The following TOX variants were observed in gnomAD, a reference collection of about 807,000 sequenced individuals.
TOX encodes thymocyte selection-associated high mobility group box protein TOX.
Under a neutral mutation model 53.7 loss-of-function variants are expected in TOX, and 11 were observed. The observed-to-expected ratio is 0.20, with a 90% CI of 0.13 to 0.34. The LOEUF (loss-of-function observed/expected upper bound fraction) is 0.34. TOX is among the 10% of genes least tolerant of loss of function. TOX has a pLI of 1.00. For synonymous variants in TOX, 225 were observed against 245.3 expected (o/e 0.92, Z 0.77); for missense variants, 570 against 664.6 (o/e 0.86, Z 1.56).
At chr8:59,064,358 T>TA (rs895106384) in intron 1 of TOX, among the ~76,000 whole-genome samples, 4 of 152,194 alleles carry the variant, frequency 2.6e-5, no homozygotes, top group African/African-American at 9.7e-5. Flanking sequence ...AGCATATTTT[T>TA]AAAAAATCAC....
intron 1 of TOX, among the ~76,000 whole-genome samples, chr8:59,060,182 G>A (rs1260396830): frequency 3.3e-5 from 5 of 152,138 alleles, no homozygotes; most frequent in Non-Finnish European, 7.4e-5. Flanking sequence ...ATAACAGAGT[G>A]TTTAATTCCA....
chr8:58,862,819 C>T (rs1160037067), intron 3 of TOX, among the ~76,000 whole-genome samples: 1 of 152,092 alleles, frequency 6.6e-6, no homozygotes, highest in Non-Finnish European at 1.5e-5. Context: ...AATTAAAACT[C>T]TATCCTGTAA....
At chr8:58,965,425 A>G (rs978507016) in intron 1 of TOX, among the ~76,000 whole-genome samples, 1 of 152,228 alleles carries the variant, frequency 6.6e-6, no homozygotes, top group African/African-American at 2.4e-5. Flanking sequence ...TTATTTAAAA[A>G]TTGAAAGGAG....
At chr8:58,822,957 G>A (rs1208780422) in intron 6 of TOX, among the ~76,000 whole-genome samples, 5 of 152,126 alleles carry the variant, frequency 3.3e-5, no homozygotes, top group African/African-American at 1.2e-4. Context: ...TGCTGTGATG[G>A]GAAATAGGAA....
intron 1 of TOX, among the ~76,000 whole-genome samples, chr8:59,044,039 A>T (rs1314722958): frequency 2.6e-5 from 4 of 152,148 alleles, no homozygotes; most frequent in African/African-American, 9.7e-5. Context: ...AACCCACCAA[A>T]TTCTCTGTAT....
At chr8:59,069,372 C>T (rs540406163) in intron 1 of TOX, among the ~76,000 whole-genome samples, 1 of 152,086 alleles carries the variant, frequency 6.6e-6, no homozygotes, top group Admixed American at 6.5e-5. Context: ...AACAAACAGG[C>T]TTGGGAGGAG....
At chr8:58,943,678 T>C (rs914117508) in intron 2 of TOX, among the ~76,000 whole-genome samples, 1 of 150,244 alleles carries the variant, frequency 6.7e-6, no homozygotes, top group Non-Finnish European at 1.5e-5. Flanking sequence ...TCCTTGGAAG[T>C]CCTATGAGTC....
intron 2 of TOX, among the ~76,000 whole-genome samples, chr8:58,955,367 A>G (rs954728354): frequency 8.6e-5 from 13 of 151,972 alleles, no homozygotes; most frequent in Non-Finnish European, 1.8e-4. Context: ...CGGAAAGAAG[A>G]AGGAAGAAAG....
intron 1 of TOX, among the ~76,000 whole-genome samples, chr8:59,072,266 C>A (rs989935934): frequency 2.0e-5 from 3 of 152,216 alleles, no homozygotes; most frequent in Non-Finnish European, 4.4e-5. Flanking sequence ...TAGATTGTAT[C>A]TTTCCTTGAC....
At position 58,956,976 on chromosome 8, in the gene TOX, C is replaced by T. The variant is rs764949573; in HGVS notation, c.168+2967G>A. On this transcript the variant is annotated intron_variant, in intron 2 of 8. Transcript: ENST00000361421. The stretch of plus-strand genomic sequence containing the variant: ...AGTTACATCTCTAGACTTGTTCATC[C>T]TACATATCACTACTTTGTATCCTTC... 2.0e-5 allele frequency among the ~76,000 whole-genome samples: 3 copies of T among 152,316 alleles called. No homozygotes were observed. The South Asian group carries it at 6.2e-4, about 32-fold the overall frequency.
chr8:58,889,212 C>CAAAAAAAAAAAAAAAAAA (rs10556451), intron 3 of TOX, among the ~76,000 whole-genome samples: 1 of 114,438 alleles, frequency 8.7e-6, no homozygotes, highest in Non-Finnish European at 1.8e-5. Flanking sequence ...TTTACAATAG[C>CAAAAAAAAAAAAAAAAAA]AAAAAAAAAA....
chr8:58,994,543 T>A (rs1813523868), intron 1 of TOX, among the ~76,000 whole-genome samples: 1 of 152,154 alleles, frequency 6.6e-6, no homozygotes, highest in Non-Finnish European at 1.5e-5. Context: ...ATTTCTGTCC[T>A]GAATGACTGG....
rs1554545763 is a variant in TOX at position 59,092,267 on chromosome 8, A to ATATATACAT, written c.102+26618_102+26619insATGTATATA. Among the ~76,000 whole-genome samples, 203 of 89,198 alleles carry ATATATACAT rather than the reference A, an allele frequency of 2.3e-3. 25 individuals are homozygous for ATATATACAT. Among genetic ancestry groups the ATATATACAT allele is most frequent in the African/African-American group, 0.013 (155 of 11,680 alleles). 58.5% of individuals were successfully genotyped at this position (89,198 alleles called of 152,430 possible). The stretch of plus-strand genomic sequence containing the variant: ...ACTCCATCTCATATATATATATTTT[A>ATATATACAT]TATATATATATATATTATATATACA... On this transcript the variant is annotated intron_variant, in intron 1 of 8. Transcript: ENST00000361421.
At chr8:59,087,247 T>C (rs541476038) in intron 1 of TOX, among the ~76,000 whole-genome samples, 7 of 152,198 alleles carry the variant, frequency 4.6e-5, no homozygotes, top group Non-Finnish European at 8.8e-5. Flanking sequence ...GAAGCTGGCA[T>C]GCCCAAAACC....
At chr8:58,890,728 A>T (rs1209224344) in intron 3 of TOX, among the ~76,000 whole-genome samples, 1 of 151,988 alleles carries the variant, frequency 6.6e-6, no homozygotes, top group Non-Finnish European at 1.5e-5. Context: ...CTAGCAGAAA[A>T]CCCTGGACGG....
rs1813621855 is a variant in TOX at position 58,998,543 on chromosome 8, TTATATATAATAAATTTATGTAATAAATG to T, written c.103-38563_103-38536del. On this transcript the variant is annotated intron_variant, in intron 1 of 8. Coordinates refer to ENST00000361421, the MANE Select transcript of TOX (RefSeq NM_014729.3). ...TATATATATATATATATATATAAATTTATATATAATAAATTTATGTAATAAATGTATATATAATAAATTTATATGTAAT... is the reference window on the plus strand; with the variant it reads ...TATATATATATATATATATATAAATTTATATATAATAAATTTATATGTAAT... 5.2e-4 allele frequency among the ~76,000 whole-genome samples: 65 copies of T among 124,844 alleles called. 2 individuals are homozygous for T. The highest frequency in any genetic ancestry group is 2.0e-3 in the African/African-American group (60 of 29,320). 81.9% of individuals were successfully genotyped at this position (124,844 alleles called of 152,430 possible). A position where few individuals can be genotyped will look rare whatever the true frequency, so the allele number is the denominator to read the frequency against.
At chr8:58,983,005 C>T (rs2129416878) in intron 1 of TOX, among the ~76,000 whole-genome samples, 1 of 152,258 alleles carries the variant, frequency 6.6e-6, no homozygotes, top group African/African-American at 2.4e-5. Flanking sequence ...CTCCAAATAT[C>T]CAAATTTTAA....
intron 3 of TOX, among the ~76,000 whole-genome samples, chr8:58,886,734 A>G (rs1811474911): frequency 6.6e-6 from 1 of 152,104 alleles, no homozygotes; most frequent in East Asian, 1.9e-4. Context: ...AAGTTTTCCA[A>G]GTACACAATA....
intron 1 of TOX, among the ~76,000 whole-genome samples, chr8:59,090,121 C>T (rs985232386): frequency 6.6e-6 from 1 of 152,206 alleles, no homozygotes; most frequent in African/African-American, 2.4e-5. Context: ...AAGGGCTTCT[C>T]AGAGCCTTTT....
Sources: gnomAD v4.1 joint callset for allele counts (sites outside exome capture counted in the v4.1 genomes callset) on GRCh38, gnomAD v4.1.1 for gene constraint, MANE v1.5 for transcripts, NCBI Gene and HGNC (gene_info 2026-07-23, HGNC 2026-07-21) for gene names.